PATJ: variants seen among roughly 807,000 people sequenced by gnomAD.
PATJ encodes PATJ crumbs cell polarity complex component.
Under a neutral mutation model 224.9 loss-of-function variants are expected in PATJ, and 190 were observed. The observed-to-expected ratio is 0.84, with a 90% confidence interval of 0.75 to 0.95. PATJ has a LOEUF of 0.95. Among genes scored for constraint, PATJ ranks in the 40% least tolerant of loss-of-function variants. The pLI is 0.00. For synonymous variants in PATJ, 769 were observed against 820.3 expected (o/e 0.94, Z 1.07); for missense variants, 2,121 against 2,270.3 (o/e 0.93, Z 1.34).
intron 20 of PATJ, among the ~76,000 whole-genome samples, chr1:61,873,590 T>C (rs991361921): frequency 6.6e-6 from 1 of 152,226 alleles, no homozygotes; most frequent in African/African-American, 2.4e-5. Context: ...AAAACAAATT[T>C]ATTTCTCACA....
rs1050851637 is a variant in PATJ at position 61,773,107 on chromosome 1, G to A, written c.720+1481G>A. 3.9e-5 allele frequency among the ~76,000 whole-genome samples: 6 copies of A among 151,940 alleles called. No homozygotes were observed. In the East Asian group the frequency reaches 1.2e-3, roughly 30 times the overall value. On this transcript the variant is annotated intron_variant, in intron 6 of 43. Transcript: ENST00000642238. Reference sequence around the variant, plus strand: ...GTGATCTCGGCTCACTGCAACCCCCGCCTCCTGGGTTCAAGTGATTCTCCT... The same window carrying A: ...GTGATCTCGGCTCACTGCAACCCCCACCTCCTGGGTTCAAGTGATTCTCCT...
intron 1 of PATJ, among the ~76,000 whole-genome samples, chr1:61,755,879 G>A (rs1037041476): frequency 6.6e-6 from 1 of 152,082 alleles, no homozygotes; most frequent in Admixed American, 6.6e-5. Context: ...TCGGCTCACC[G>A]CAATCTCTGC....
At chr1:62,039,656 A>G (rs949715998) in intron 30 of PATJ, among the ~76,000 whole-genome samples, 2 of 152,208 alleles carry the variant, frequency 1.3e-5, no homozygotes, top group African/African-American at 4.8e-5. Flanking sequence ...GTTATCAAGA[A>G]GGGGGTCTGG....
intron 28 of PATJ, among the ~76,000 whole-genome samples, chr1:62,013,836 C>T (rs769894404): frequency 5.9e-5 from 9 of 151,976 alleles, no homozygotes; most frequent in South Asian, 2.1e-4. Context: ...TGCAGTGGTG[C>T]GATTTTGGCT....
At chr1:62,121,147 C>A in intron 37 of PATJ, 34 bp from the exon 38 acceptor site, 1 of 1,372,484 alleles carries the variant, frequency 7.3e-7, no homozygotes, top group Non-Finnish European at 1.0e-6. Flanking sequence ...AAGTCAGTGT[C>A]TGCACACAGG....
intron 31 of PATJ, among the ~76,000 whole-genome samples, chr1:62,056,524 T>C (rs1654568982): frequency 6.6e-6 from 1 of 151,482 alleles, no homozygotes; most frequent in Non-Finnish European, 1.5e-5. Flanking sequence ...TAAGACCTTA[T>C]CTCAAAAAAA....
intron 19 of PATJ, among the ~76,000 whole-genome samples, chr1:61,861,886 G>C (rs1489979522): frequency 1.3e-5 from 2 of 151,798 alleles, no homozygotes; most frequent in Non-Finnish European, 2.9e-5. Flanking sequence ...TTTTGAGATG[G>C]GATCTCCCTC....
intron 15 of PATJ, among the ~76,000 whole-genome samples, chr1:61,827,153 C>T (rs1234607806): frequency 6.6e-6 from 1 of 151,934 alleles, no homozygotes; most frequent in Non-Finnish European, 1.5e-5. Context: ...GATCCCTTAC[C>T]CAGTAAGGGC....
At chr1:61,895,882 G>A (rs1400129612) in intron 22 of PATJ, among the ~76,000 whole-genome samples, 1 of 152,214 alleles carries the variant, frequency 6.6e-6, no homozygotes, top group Admixed American at 6.5e-5. Flanking sequence ...AGCAGCCATG[G>A]GGGCTGTACC....
intron 7 of PATJ, among the ~76,000 whole-genome samples, chr1:61,784,715 GA>G (rs771009214): frequency 2.0e-5 from 3 of 152,152 alleles, no homozygotes; most frequent in Non-Finnish European, 4.4e-5. Flanking sequence ...TTGATTTACA[GA>G]GGCAACTTTA....
At chr1:62,084,492 T>C (rs1440246631) in intron 32 of PATJ, 23 bp from the exon 33 acceptor site, 2 of 1,603,428 alleles carry the variant, frequency 1.2e-6, no homozygotes, top group Non-Finnish European at 8.5e-7. Context: ...ATGCCAGTCA[T>C]GCTGTGTTCA....
chr1:62,044,219 C>T (rs1054888684), intron 30 of PATJ, among the ~76,000 whole-genome samples: 1 of 152,180 alleles, frequency 6.6e-6, no homozygotes, highest in Admixed American at 6.5e-5. Context: ...ATCTCTAGAA[C>T]TTATTACTTT....
In PATJ at chr1:61,884,251, G is replaced by T; in HGVS notation, c.2974G>T (p.Asp992Tyr). 1 of 1,603,302 alleles carries T rather than the reference G, an allele frequency of 6.2e-7. No homozygotes were observed. Among genetic ancestry groups the T allele is most frequent in the Non-Finnish European group, 8.5e-7 (1 of 1,176,082 alleles). The change falls in exon 22 of 44, where the codon GAT (aspartate) becomes TAT (tyrosine). Residue 992 changes from aspartate to tyrosine, a missense_variant. Coordinates refer to ENST00000642238, the MANE Select transcript of PATJ (RefSeq NM_001350145.3). ...TTGCTCTTCAGGCATGATCCCGAAT[G>T]ATGTCCAAGGTCCTAGCTTGCTCAT... ...TSLDLGMIPN[D>Y]VQGPSLLIDL...
intron 43 of PATJ, among the ~76,000 whole-genome samples, chr1:62,155,694 A>T (rs1669115571): frequency 7.0e-6 from 1 of 142,084 alleles, no homozygotes; most frequent in African/African-American, 2.8e-5. Context: ...TCTGAATTTA[A>T]AAAAAAAAAA....
At chr1:61,922,904 G>A (rs989502455) in intron 26 of PATJ, among the ~76,000 whole-genome samples, 2 of 152,242 alleles carry the variant, frequency 1.3e-5, no homozygotes, top group African/African-American at 2.4e-5. Context: ...TGAACACCAC[G>A]TAGGTGAATG....
intron 22 of PATJ, among the ~76,000 whole-genome samples, chr1:61,893,692 C>G (rs373635178): frequency 6.6e-6 from 1 of 151,454 alleles, no homozygotes. Context: ...GTCCCAGCTA[C>G]CTGGTGAGGC....
At chr1:62,148,809 T>G (rs953764513) in intron 42 of PATJ, among the ~76,000 whole-genome samples, 1 of 151,774 alleles carries the variant, frequency 6.6e-6, no homozygotes. Flanking sequence ...TAAAGCAGGG[T>G]TTCTCAAACT....
At chr1:62,136,477 TTG>T (rs111398189) in intron 41 of PATJ, among the ~76,000 whole-genome samples, 3,906 of 148,824 alleles carry the variant, frequency 0.026, 143 homozygotes, top group African/African-American at 0.088. Context: ...TGGGCTTTTC[TTG>T]TGTGTGTGTG....
intron 14 of PATJ, among the ~76,000 whole-genome samples, chr1:61,816,720 A>G (rs747081370): frequency 6.6e-6 from 1 of 152,182 alleles, no homozygotes; most frequent in Non-Finnish European, 1.5e-5. Flanking sequence ...TCTCATCCAC[A>G]GAAGCAATGC....
Sources: gnomAD v4.1 joint callset for allele counts (sites outside exome capture counted in the v4.1 genomes callset) on GRCh38, gnomAD v4.1.1 for gene constraint, MANE v1.5 for transcripts, NCBI Gene and HGNC (gene_info 2026-07-23, HGNC 2026-07-21) for gene names.